CACNA1D: variants seen among roughly 807,000 people sequenced by gnomAD.
The protein encoded by CACNA1D is calcium voltage-gated channel subunit alpha1 D.
CACNA1D carries 55 observed loss-of-function variants against 257.1 expected under a neutral mutation model. The observed-to-expected ratio is 0.21, with a 90% confidence interval of 0.17 to 0.27. The LOEUF (loss-of-function observed/expected upper bound fraction) is 0.27, where lower values mean the gene tolerates loss of function less well. CACNA1D is among the 10% of genes least tolerant of loss of function. The pLI, the probability that CACNA1D is intolerant of heterozygous loss-of-function variation, is 1.00. For synonymous variants in CACNA1D, 980 were observed against 1,014.9 expected, an observed-to-expected ratio of 0.97 and a Z score of 0.65; for missense variants, 1,876 against 2,784.0, an observed-to-expected ratio of 0.67 and a Z score of 7.34.
intron 46 of CACNA1D, 89 bp from the exon 47 acceptor site, chr3:53,809,889 G>T: frequency 8.2e-7 from 1 of 1,224,548 alleles, no homozygotes. Flanking sequence ...CCTGGCGAGC[G>T]CAGCGCCGGT....
intron 9 of CACNA1D, among the ~76,000 whole-genome samples, chr3:53,704,505 A>C (rs1355283725): frequency 6.6e-6 from 1 of 152,204 alleles, no homozygotes. Context: ...AGACTCAGCG[A>C]TGTGCCTATG....
intron 3 of CACNA1D, among the ~76,000 whole-genome samples, chr3:53,600,253 G>C (rs955697842): frequency 2.6e-5 from 4 of 152,210 alleles, no homozygotes; most frequent in Non-Finnish European, 5.9e-5. Context: ...GAGCTTTTGT[G>C]TTTTCTCTTT....
intron 8 of CACNA1D, among the ~76,000 whole-genome samples, chr3:53,697,261 C>G (rs2094581120): frequency 6.6e-6 from 1 of 152,196 alleles, no homozygotes; most frequent in Non-Finnish European, 1.5e-5. Flanking sequence ...TCTGGGCGAT[C>G]CCAGCAATTG....
intron 14 of CACNA1D, 45 bp from the exon 15 acceptor site, chr3:53,726,834 A>C: frequency 6.2e-7 from 1 of 1,614,110 alleles, no homozygotes; most frequent in Non-Finnish European, 8.5e-7. Context: ...GAGCGGCTGC[A>C]ATTTGTGAAT....
At chr3:53,703,105 G>A (rs750119585) in intron 9 of CACNA1D, among the ~76,000 whole-genome samples, 1 of 152,218 alleles carries the variant, frequency 6.6e-6, no homozygotes, top group African/African-American at 2.4e-5. Context: ...TTTCTGTGCG[G>A]GCACAGGGGT....
rs17053453 is a variant in CACNA1D, at chr3:53,745,749, A to G, written c.3114+18A>G. On this transcript the variant is annotated intron_variant, in intron 24 of 47. Transcript: ENST00000350061. ...TGTTCAAGGTAGAGGAACTGCCTCCAAGCATAAAACTCAGGTGGATTTCTT... is the reference window on the plus strand; with the variant it reads ...TGTTCAAGGTAGAGGAACTGCCTCCGAGCATAAAACTCAGGTGGATTTCTT... 0.065 allele frequency: 103,553 copies of G among 1,603,438 alleles called. 3,706 individuals are homozygous for G. The highest frequency in any genetic ancestry group is 0.13 in the Middle Eastern group (815 of 6,038).
At chr3:53,729,461 C>T (rs919854737) in intron 15 of CACNA1D, among the ~76,000 whole-genome samples, 1 of 152,038 alleles carries the variant, frequency 6.6e-6, no homozygotes, top group African/African-American at 2.4e-5. Context: ...TGCAGATGGC[C>T]GGGCATCAGG....
intron 19 of CACNA1D, 77 bp downstream of exon 19, chr3:53,733,039 G>GA: frequency 6.9e-7 from 1 of 1,458,230 alleles, no homozygotes; most frequent in Non-Finnish European, 9.6e-7. Flanking sequence ...TGGCTCGGGT[G>GA]GGGGTGAGGG....
intron 40 of CACNA1D, chr3:53,798,038 A>G (rs1338113438): frequency 6.6e-6 from 1 of 152,226 alleles, no homozygotes; most frequent in Non-Finnish European, 1.5e-5. Flanking sequence ...ATCAGAAGTG[A>G]ACCCCTTGCT....
At chr3:53,710,899 T>A (rs1054265856) in intron 9 of CACNA1D, among the ~76,000 whole-genome samples, 3 of 152,198 alleles carry the variant, frequency 2.0e-5, no homozygotes, top group African/African-American at 4.8e-5. Context: ...TCTGGCTACT[T>A]TGCCCAGGAC....
chr3:53,736,278 C>T (rs1202610523), intron 20 of CACNA1D, among the ~76,000 whole-genome samples: 2 of 151,938 alleles, frequency 1.3e-5, no homozygotes, highest in Admixed American at 6.6e-5. Context: ...GAGGTCAAAG[C>T]TGCAGCAAGC....
intron 3 of CACNA1D, among the ~76,000 whole-genome samples, chr3:53,543,775 G>T (rs1440434813): frequency 6.6e-6 from 1 of 152,128 alleles, no homozygotes; most frequent in East Asian, 1.9e-4. Flanking sequence ...CTCGTCCAGG[G>T]TCACATGGCT....
Position 53,672,812 on chromosome 3 carries a change from G to A in CACNA1D, c.1117-211G>A, listed in dbSNP as rs548436834. ...TGTGTGTGTGTGTGTGTGTGTGTGTGTGTGTGTATGGATGCTTGTGTGTGT... is the reference window on the plus strand; with the variant it reads ...TGTGTGTGTGTGTGTGTGTGTGTGTATGTGTGTATGGATGCTTGTGTGTGT... On this transcript the variant is annotated intron_variant, in intron 7 of 47. Coordinates refer to ENST00000350061, the MANE Select transcript of CACNA1D (RefSeq NM_001128840.3). 2.5e-5 allele frequency among the ~76,000 whole-genome samples: 3 copies of A among 121,982 alleles called. No homozygotes were observed. The East Asian group carries it at 8.3e-4, about 34-fold the overall frequency. 80.0% of individuals were successfully genotyped at this position (121,982 alleles called of 152,430 possible).
chr3:53,690,591 C>A (rs762185377), intron 8 of CACNA1D, among the ~76,000 whole-genome samples: 8 of 152,174 alleles, frequency 5.3e-5, no homozygotes, highest in African/African-American at 1.4e-4. Flanking sequence ...GGGCACTCCC[C>A]CTGCGGGGGG....
At chr3:53,694,557 C>T (rs2108544089) in intron 8 of CACNA1D, among the ~76,000 whole-genome samples, 1 of 152,328 alleles carries the variant, frequency 6.6e-6, no homozygotes, top group Middle Eastern at 3.4e-3. Context: ...GGGCCAGCAA[C>T]AATGCCTCGT....
At chr3:53,767,906 G>A (rs1157756096) in intron 30 of CACNA1D, among the ~76,000 whole-genome samples, 1 of 152,228 alleles carries the variant, frequency 6.6e-6, no homozygotes, top group African/African-American at 2.4e-5. Context: ...CACTGAGGGT[G>A]CATGAAGCCT....
At chr3:53,724,359 A>G (rs1279397637) in intron 14 of CACNA1D, among the ~76,000 whole-genome samples, 1 of 152,236 alleles carries the variant, frequency 6.6e-6, no homozygotes, top group Non-Finnish European at 1.5e-5. Flanking sequence ...ATGGCAGGCC[A>G]GTTCATAATC....
intron 8 of CACNA1D, among the ~76,000 whole-genome samples, chr3:53,682,125 C>T (rs914511166): frequency 2.6e-5 from 4 of 152,046 alleles, no homozygotes; most frequent in Non-Finnish European, 4.4e-5. Flanking sequence ...TTCAAATTTA[C>T]ATTTTCTAAA....
intron 3 of CACNA1D, among the ~76,000 whole-genome samples, chr3:53,545,683 T>C (rs915773400): frequency 1.3e-5 from 2 of 152,202 alleles, no homozygotes; most frequent in Non-Finnish European, 2.9e-5. Context: ...TCAAAATCCC[T>C]GGTGGTTATC....
Sources: allele counts gnomAD v4.1 joint callset (sites outside exome capture counted in the v4.1 genomes callset), GRCh38; gene constraint gnomAD v4.1.1; transcripts MANE v1.5; gene names NCBI Gene and HGNC (gene_info 2026-07-23, HGNC 2026-07-21).